The following ZNF761 variants were observed in gnomAD, a reference collection of about 807,000 sequenced individuals.
ZNF761 encodes zinc finger protein 761.
Under a neutral mutation model 59.9 loss-of-function variants are expected in ZNF761, and 43 were observed. The ratio of observed to expected loss-of-function variants is 0.72; its 90% CI spans 0.56 to 0.92. The LOEUF is 0.92. Among genes scored for constraint, ZNF761 ranks in the 40% least tolerant of loss-of-function variants. The pLI, the probability that ZNF761 is intolerant of heterozygous loss-of-function variation, is 0.00. For synonymous variants in ZNF761, 294 were observed against 304.8 expected (o/e 0.96, Z 0.37); for missense variants, 850 against 906.1 (o/e 0.94, Z 0.79).
intron 2 of ZNF761, 182 bp from the exon 3 acceptor site, chr19:53,447,014 T>G: frequency 2.8e-6 from 1 of 359,836 alleles, no homozygotes; most frequent in Non-Finnish European, 5.2e-6. Flanking sequence ...TGTTGCAGCG[T>G]GTGTGTGGGC....
chr19:53,454,169 C>G (rs2086243765), intron 4 of ZNF761, among the ~76,000 whole-genome samples: 1 of 152,116 alleles, frequency 6.6e-6, no homozygotes, highest in Non-Finnish European at 1.5e-5. Flanking sequence ...CTTCTCAGTG[C>G]TATGACTGTT....
rs2086287457 is a variant in ZNF761 at position 53,458,114 on chromosome 19, A to C, written c.*1366A>C. 6.6e-6 allele frequency: 1 copy of C among 152,316 alleles called. No individual in the cohort carries two copies. Among genetic ancestry groups the C allele is most frequent in the African/African-American group, 2.4e-5 (1 of 41,454 alleles). The allele number at this position is 152,316 out of a possible 1,614,324, so 9.4% of individuals were successfully genotyped here. A position where few individuals can be genotyped will look rare whatever the true frequency, so the allele number is the denominator to read the frequency against. On this transcript the variant is annotated 3_prime_UTR_variant, in exon 5 of 5. Transcript: ENST00000684525. ...GTTTATTGTTAAAGTATGGAAATTC[A>C]ACTAATTTTTGGTGCTGATACTGTA...
In ZNF761 at chr19:53,456,246, G is replaced by T; in HGVS notation, c.1739G>T (p.Cys580Phe). 1.2e-6 allele frequency: 2 copies of T among 1,613,996 alleles called. No homozygotes were observed. The highest frequency in any genetic ancestry group is 1.7e-6 in the Non-Finnish European group (2 of 1,179,988). Reference sequence around the variant, plus strand: ...CATAGTGGAGAGAACCCTTACAAATGTGAAGATAGTGACAAAGCTTACAGT... The same window carrying T: ...CATAGTGGAGAGAACCCTTACAAATTTGAAGATAGTGACAAAGCTTACAGT... ...RLHSGENPYK[C>F]EDSDKAYSFK... The change falls in exon 5 of 5, where the codon TGT (cysteine) becomes TTT (phenylalanine). Residue 580 changes from cysteine to phenylalanine, a missense_variant. Transcript: ENST00000684525.
rs2086079298 is a variant in ZNF761 at position 53,439,728 on chromosome 19, C to T, written c.-184-6499C>T. Among the ~76,000 whole-genome samples, 2 of 152,058 alleles carry T rather than the reference C, an allele frequency of 1.3e-5. 1 individual carries two copies. The highest frequency in any genetic ancestry group is 4.2e-4 in the South Asian group (2 of 4,812). ...CTGGCCTGTATTCATTTGAACCTGG[C>T]CCTGGCAATGGCTTCTGAACTGGCA... On this transcript the variant is annotated intron_variant, in intron 1 of 4. Coordinates refer to ENST00000684525, the MANE Select transcript of ZNF761 (RefSeq NM_001289951.2).
In ZNF761 at chr19:53,441,844, C is replaced by T. The variant is rs1458235195; in HGVS notation, c.-184-4383C>T. On this transcript the variant is annotated intron_variant, in intron 1 of 4. Coordinates refer to ENST00000684525, the MANE Select transcript of ZNF761 (RefSeq NM_001289951.2). ...GAGGAAGGAGGAACCGGAGTGTGAG[C>T]AGTAGCTGGGTGGGCAGCATGGCTG... 9.1e-6 allele frequency: 14 copies of T among 1,535,850 alleles called. No individual in the cohort carries two copies. The East Asian group carries it at 3.2e-4, about 35-fold the overall frequency.
chr19:53,449,447 C>T, intron 3 of ZNF761, 65 bp from the exon 4 acceptor site: 1 of 1,612,018 alleles, frequency 6.2e-7, no homozygotes, highest in South Asian at 1.1e-5. Context: ...CTCTCTTCTT[C>T]TCATTTTCTG....
chr19:53,433,669 T>A (rs1339837499), intron 1 of ZNF761, among the ~76,000 whole-genome samples: 1 of 152,202 alleles, frequency 6.6e-6, no homozygotes, highest in African/African-American at 2.4e-5. Context: ...TGGCTGATAT[T>A]TATATCGGGC....
At chr19:53,445,574 C>T (rs1256995668) in intron 1 of ZNF761, among the ~76,000 whole-genome samples, 1 of 152,166 alleles carries the variant, frequency 6.6e-6, no homozygotes, top group East Asian at 1.9e-4. Flanking sequence ...GACCCAGTCC[C>T]CTGAAATGAT....
intron 1 of ZNF761, among the ~76,000 whole-genome samples, chr19:53,438,628 C>T (rs2086067049): frequency 6.6e-6 from 1 of 152,148 alleles, no homozygotes; most frequent in Non-Finnish European, 1.5e-5. Context: ...CAGTGAAAAA[C>T]TTGGAATCCA....
chr19:53,434,392 C>G (rs1394748933), intron 1 of ZNF761, among the ~76,000 whole-genome samples: 1 of 152,072 alleles, frequency 6.6e-6, no homozygotes, highest in African/African-American at 2.4e-5. Flanking sequence ...TACACTAGCC[C>G]TTGTCCATTT....
At chr19:53,449,053 C>T (rs1249447167) in intron 3 of ZNF761, among the ~76,000 whole-genome samples, 1 of 152,052 alleles carries the variant, frequency 6.6e-6, no homozygotes, top group African/African-American at 2.4e-5. Flanking sequence ...GTTTCTGGGC[C>T]GGGCGCGGTG....
intron 4 of ZNF761, 68 bp downstream of exon 4, chr19:53,449,706 A>C (rs1459357959): frequency 6.3e-7 from 1 of 1,590,196 alleles, no homozygotes; most frequent in African/African-American, 1.4e-5. Flanking sequence ...TCTTGTTTTT[A>C]GATACAGTGT....
At chr19:53,435,502 C>T (rs1050692556) in intron 1 of ZNF761, among the ~76,000 whole-genome samples, 1 of 151,744 alleles carries the variant, frequency 6.6e-6, no homozygotes, top group African/African-American at 2.4e-5. Context: ...CGGGGTTCTC[C>T]ATGTTGGTGA....
chr19:53,446,732 C>A lies in ZNF761; in HGVS notation c.-74+395C>A, dbSNP rs530722626. ...CAGTGTTGGCCAGGCTGGTCTCAAA[C>A]TCCTGAGCCCAAGTGATCTTCACAC... On this transcript the variant is annotated intron_variant, in intron 2 of 4. Transcript: ENST00000684525. 3.3e-3 allele frequency among the ~76,000 whole-genome samples: 498 copies of A among 152,194 alleles called. 3 individuals carry two copies. The highest frequency in any genetic ancestry group is 3.6e-3 in the Non-Finnish European group (248 of 68,006).
At chr19:53,439,154 C>T (rs1489077059) in intron 1 of ZNF761, among the ~76,000 whole-genome samples, 1 of 151,764 alleles carries the variant, frequency 6.6e-6, no homozygotes, top group Non-Finnish European at 1.5e-5. Context: ...GCCTGTAATC[C>T]CAGCTACCCA....
At chr19:53,445,696 AT>A (rs556666472) in intron 1 of ZNF761, among the ~76,000 whole-genome samples, 1,585 of 152,280 alleles carry the variant, frequency 0.01, 13 homozygotes, top group Non-Finnish European at 0.017. Flanking sequence ...ATTAAAAAAA[AT>A]TTTTTAAAAA....
chr19:53,433,775 C>A (rs2086004212), intron 1 of ZNF761, among the ~76,000 whole-genome samples: 1 of 152,066 alleles, frequency 6.6e-6, no homozygotes. Flanking sequence ...AGTATCAAAC[C>A]AATTCTTAGT....
At chr19:53,448,815 C>G (rs1409394017) in intron 3 of ZNF761, among the ~76,000 whole-genome samples, 1 of 149,926 alleles carries the variant, frequency 6.7e-6, no homozygotes, top group Admixed American at 6.7e-5. Flanking sequence ...CTCTGTTGCC[C>G]AGGCTGGAGT....
Position 53,456,835 on chromosome 19 carries a change from CAT to C in ZNF761, c.*88_*89del, listed in dbSNP as rs2086277225. ...GGGGAGAAACCTTAGAAATGTGAAG[CAT>C]GTGATAAAGTTTACAGTGGCAAATC... On this transcript the variant is annotated 3_prime_UTR_variant, in exon 5 of 5. Transcript: ENST00000684525. 1 of 1,444,198 alleles carries C rather than the reference CAT, an allele frequency of 6.9e-7. No homozygotes were observed. Among genetic ancestry groups the C allele is most frequent in the Non-Finnish European group, 9.6e-7 (1 of 1,042,096 alleles). The allele number at this position is 1,444,198 out of a possible 1,614,324, so 89.5% of individuals were successfully genotyped here.
Sources: gnomAD v4.1 joint callset for allele counts (sites outside exome capture counted in the v4.1 genomes callset) on GRCh38, gnomAD v4.1.1 for gene constraint, MANE v1.5 for transcripts, NCBI Gene and HGNC (gene_info 2026-07-23, HGNC 2026-07-21) for gene names.